Variants in ERC1 observed in about 807,000 individuals in gnomAD.
ERC1 encodes ELKS/RAB6-interacting/CAST family member 1, also known as RAB6 interacting protein 2.
A neutral mutation model predicts 132.0 loss-of-function variants in ERC1; 56 were observed. The ratio of observed to expected loss-of-function variants is 0.42; its 90% CI spans 0.34 to 0.53. ERC1 has a LOEUF of 0.53. Among genes scored for constraint, ERC1 ranks in the 20% least tolerant of loss-of-function variants. ERC1 has a pLI of 0.03. For missense variants in ERC1, 1,202 were observed against 1,349.9 expected (o/e 0.89, Z 1.72); for synonymous variants, 478 against 476.1 (o/e 1.00, Z -0.05).
At chr12:1,069,596 A>G (rs1939945455) in intron 2 of ERC1, among the ~76,000 whole-genome samples, 1 of 152,210 alleles carries the variant, frequency 6.6e-6, no homozygotes, top group Non-Finnish European at 1.5e-5. Context: ...GAATTCAAGT[A>G]AACAATCCTT....
chr12:1,305,691 A>G (rs1057187554), intron 15 of ERC1, among the ~76,000 whole-genome samples: 4 of 152,144 alleles, frequency 2.6e-5, no homozygotes, highest in African/African-American at 9.7e-5. Context: ...AATATTTATC[A>G]CAAGTACAAG....
In ERC1 at chr12:1,143,368, G is replaced by GTGTGTGTA. The variant is rs1431227709; in HGVS notation, c.1737+1588_1737+1589insATGTGTGT. 3.5e-5 allele frequency among the ~76,000 whole-genome samples: 5 copies of GTGTGTGTA among 140,850 alleles called. No individual in the cohort carries two copies. The East Asian group carries it at 7.8e-4, about 22-fold the overall frequency. 92.4% of individuals were successfully genotyped at this position (140,850 alleles called of 152,430 possible). On this transcript the variant is annotated intron_variant, in intron 8 of 18. Coordinates refer to ENST00000360905, the MANE Select transcript of ERC1 (RefSeq NM_178040.4). The stretch of plus-strand genomic sequence containing the variant: ...TGTGTGTGTGTGTGTGTGTGTGTGT[G>GTGTGTGTA]TGTGTGTGTGTGTTCAGACTTCTTA...
intron 15 of ERC1, among the ~76,000 whole-genome samples, chr12:1,300,071 C>T (rs186038924): frequency 2.2e-4 from 34 of 152,250 alleles, no homozygotes; most frequent in African/African-American, 8.2e-4. Flanking sequence ...AACTATACTA[C>T]AGGACTACAG....
intron 8 of ERC1, among the ~76,000 whole-genome samples, chr12:1,143,351 T>C: frequency 6.7e-6 from 1 of 148,690 alleles, no homozygotes; most frequent in Non-Finnish European, 1.5e-5. Context: ...TGTGTGTGTG[T>C]GTGTGTGTGT....
chr12:1,016,191 C>A (rs534209951), intron 1 of ERC1, among the ~76,000 whole-genome samples: 1 of 151,666 alleles, frequency 6.6e-6, no homozygotes, highest in South Asian at 2.1e-4. Flanking sequence ...AGATTTATGT[C>A]AGAATTTCAC....
At chr12:1,140,745 A>G (rs1049193119) in intron 7 of ERC1, among the ~76,000 whole-genome samples, 4 of 152,198 alleles carry the variant, frequency 2.6e-5, no homozygotes, top group Non-Finnish European at 5.9e-5. Flanking sequence ...ATTTGTGGCT[A>G]TTAAGTACTT....
intron 18 of ERC1, among the ~76,000 whole-genome samples, chr12:1,456,146 T>C (rs2093529112): frequency 6.6e-6 from 1 of 152,228 alleles, no homozygotes; most frequent in African/African-American, 2.4e-5. Context: ...GTGCAATGGC[T>C]CATGTAGTTA....
intron 12 of ERC1, among the ~76,000 whole-genome samples, chr12:1,192,247 A>T (rs768580732): frequency 1.3e-5 from 2 of 152,204 alleles, no homozygotes; most frequent in Non-Finnish European, 2.9e-5. Context: ...TTGCTTACAA[A>T]CTAAGGTAGA....
intron 2 of ERC1, among the ~76,000 whole-genome samples, chr12:1,080,304 G>T (rs1428507247): frequency 6.6e-6 from 1 of 152,054 alleles, no homozygotes; most frequent in African/African-American, 2.4e-5. Flanking sequence ...CTATGTCCTG[G>T]CAACCACTGT....
chr12:1,035,909 A>G (rs1168382858), intron 2 of ERC1, among the ~76,000 whole-genome samples: 1 of 151,522 alleles, frequency 6.6e-6, no homozygotes, highest in Non-Finnish European at 1.5e-5. Context: ...GAGACAGAGC[A>G]TGACTCCGTC....
At position 1,160,436 on chromosome 12, in the gene ERC1, T is replaced by C. The variant is rs144365390; in HGVS notation, c.1737+18649T>C. 2.6e-4 allele frequency among the ~76,000 whole-genome samples: 39 copies of C among 152,296 alleles called. No homozygotes were observed. In the East Asian group the frequency reaches 6.2e-3, roughly 24 times the overall value. ...TCATGTATGTTCTTCAATAAGACCCTTAAAAATCTAAGATCAAGGTGAGCA... is the reference window on the plus strand; with the variant it reads ...TCATGTATGTTCTTCAATAAGACCCCTAAAAATCTAAGATCAAGGTGAGCA... On this transcript the variant is annotated intron_variant, in intron 8 of 18. Transcript: ENST00000360905.
chr12:1,470,871 A>G (rs11061769), intron 18 of ERC1, among the ~76,000 whole-genome samples: 3,381 of 152,302 alleles, frequency 0.022, 57 homozygotes, highest in Non-Finnish European at 0.035. Context: ...CATTCCACAC[A>G]GAAGGGTAAC....
intron 15 of ERC1, among the ~76,000 whole-genome samples, chr12:1,335,746 G>A (rs1047353817): frequency 2.0e-5 from 3 of 152,190 alleles, no homozygotes; most frequent in Non-Finnish European, 4.4e-5. Context: ...CGTAGAATTA[G>A]TTGGGGAGGA....
chr12:1,084,345 G>A (rs1228703540), intron 3 of ERC1, among the ~76,000 whole-genome samples: 1 of 152,128 alleles, frequency 6.6e-6, no homozygotes, highest in Non-Finnish European at 1.5e-5. Context: ...GTTAGTATGA[G>A]TCTGAATAAT....
intron 1 of ERC1, among the ~76,000 whole-genome samples, chr12:992,050 A>G (rs909542618): frequency 7.2e-5 from 11 of 152,110 alleles, no homozygotes; most frequent in South Asian, 2.1e-4. Context: ...GCGTGGATGT[A>G]TCTGAAAGTT....
intron 12 of ERC1, among the ~76,000 whole-genome samples, chr12:1,194,014 G>C (rs1332233322): frequency 6.6e-6 from 1 of 152,146 alleles, no homozygotes; most frequent in East Asian, 1.9e-4. Context: ...AATAAATTTA[G>C]AGTAGCCTCA....
chr12:1,122,125 G>C (rs61728645), intron 7 of ERC1, among the ~76,000 whole-genome samples: 5 of 37,378 alleles, frequency 1.3e-4, no homozygotes, highest in Admixed American at 2.2e-4. Flanking sequence ...ATCTCTATCT[G>C]TGTCTCTATC....
At chr12:1,455,388 C>T (rs2093509987) in intron 18 of ERC1, among the ~76,000 whole-genome samples, 1 of 152,200 alleles carries the variant, frequency 6.6e-6, no homozygotes, top group Non-Finnish European at 1.5e-5. Flanking sequence ...CCTGGCCTCT[C>T]AAGTTCAGTT....
intron 18 of ERC1, among the ~76,000 whole-genome samples, chr12:1,479,037 A>T (rs151086986): frequency 6.6e-6 from 1 of 152,180 alleles, no homozygotes. Context: ...TGTGTTTTGC[A>T]TATAGCCCCA....
Sources: allele counts gnomAD v4.1 joint callset (sites outside exome capture counted in the v4.1 genomes callset), GRCh38; gene constraint gnomAD v4.1.1; transcripts MANE v1.5; gene names NCBI Gene and HGNC (gene_info 2026-07-23, HGNC 2026-07-21).